FHIT: variants seen among roughly 807,000 people sequenced by gnomAD.
FHIT encodes the protein fragile histidine triad diadenosine triphosphatase, also known as bis(5'-adenosyl)-triphosphatase.
FHIT carries 19 observed loss-of-function variants against 17.9 expected under a neutral mutation model. The ratio of observed to expected loss-of-function variants is 1.06; its 90% CI spans 0.74 to 1.56. FHIT has a LOEUF of 1.56. FHIT is among the 40% of genes most tolerant of loss of function. The pLI is 0.00. For missense variants in FHIT, 248 were observed against 189.2 expected (o/e 1.31, Z -1.82); for synonymous variants, 81 against 69.7 (o/e 1.16, Z -0.81).
intron 5 of FHIT, among the ~76,000 whole-genome samples, chr3:60,468,592 C>A (rs552947948): frequency 4.4e-4 from 67 of 152,032 alleles, no homozygotes; most frequent in African/African-American, 1.5e-3. Context: ...TTTTCATACC[C>A]CTGCTTTTTA....
chr3:60,370,236 A>C (rs1967641), intron 5 of FHIT, among the ~76,000 whole-genome samples: 152,336 of 152,336 alleles, frequency 1, 76,168 homozygotes, highest in Non-Finnish European at 1. Flanking sequence ...TTTATGTTTT[A>C]TGAAGCCCAA....
At chr3:60,638,513 G>C (rs1021487706) in intron 4 of FHIT, among the ~76,000 whole-genome samples, 3 of 151,932 alleles carry the variant, frequency 2.0e-5, no homozygotes, top group Non-Finnish European at 4.4e-5. Flanking sequence ...GAATCACTTG[G>C]GGAACTCTTA....
At position 59,759,635 on chromosome 3, in the gene FHIT, C is replaced by T. The variant is rs140575398; in HGVS notation, c.349-7314G>A. ...TCACTTCTCAAAGTTCCCGAGAAGC[C>T]TTCCTGGACCATTCTGATTGAGTCA... On this transcript the variant is annotated intron_variant, in intron 8 of 9. Coordinates refer to ENST00000492590, the MANE Select transcript of FHIT (RefSeq NM_002012.4). Among the ~76,000 whole-genome samples, 540 of 152,290 alleles carry T rather than the reference C, an allele frequency of 3.5e-3. 1 individual carries two copies. The highest frequency in any genetic ancestry group is 0.013 in the African/African-American group (520 of 41,568).
intron 4 of FHIT, among the ~76,000 whole-genome samples, chr3:60,610,438 TAG>T (rs1258582723): frequency 6.6e-6 from 1 of 152,200 alleles, no homozygotes; most frequent in Non-Finnish European, 1.5e-5. Flanking sequence ...AGTTTCATGC[TAG>T]AGTTTCTACG....
rs10662932 is a variant in FHIT, at chr3:60,849,441, A to AATATATATATATATATATATAT, written c.-110-27452_-110-27431dup. On this transcript the variant is annotated intron_variant, in intron 3 of 9. Coordinates refer to ENST00000492590, the MANE Select transcript of FHIT (RefSeq NM_002012.4). ...AGGACTTTTGTTAATACAAAAATGA[A>AATATATATATATATATATATAT]ATATATATATATATATATATATAAA... is the stretch of plus-strand genomic sequence containing the variant. 6.5e-3 allele frequency among the ~76,000 whole-genome samples: 888 copies of AATATATATATATATATATATAT among 137,352 alleles called. 6 individuals are homozygous for AATATATATATATATATATATAT. The highest frequency in any genetic ancestry group is 0.01 in the Non-Finnish European group (670 of 64,050). The allele number at this position is 137,352 out of a possible 152,430, so 90.1% of individuals were successfully genotyped here.
intron 2 of FHIT, among the ~76,000 whole-genome samples, chr3:61,184,092 G>A (rs1227364607): frequency 6.6e-6 from 1 of 152,080 alleles, no homozygotes; most frequent in Non-Finnish European, 1.5e-5. Flanking sequence ...GGGACCTGAT[G>A]CCTATAATAT....
At chr3:59,954,742 T>G (rs1204182253) in intron 7 of FHIT, among the ~76,000 whole-genome samples, 1 of 152,154 alleles carries the variant, frequency 6.6e-6, no homozygotes, top group African/African-American at 2.4e-5. Context: ...AGGGCTTCCT[T>G]TTAGAAATTT....
At chr3:60,839,931 C>T (rs2106856986) in intron 3 of FHIT, among the ~76,000 whole-genome samples, 1 of 152,144 alleles carries the variant, frequency 6.6e-6, no homozygotes, top group East Asian at 1.9e-4. Flanking sequence ...TCTTTATTTC[C>T]TTTACAGTCC....
At chr3:60,711,075 T>A (rs554905074) in intron 4 of FHIT, among the ~76,000 whole-genome samples, 87 of 152,132 alleles carry the variant, frequency 5.7e-4, no homozygotes, top group African/African-American at 2.0e-3. Context: ...TCTGAGACAA[T>A]ACTTCCAGAG....
chr3:60,430,591 TATATC>T (rs1702849719), intron 5 of FHIT, among the ~76,000 whole-genome samples: 1 of 152,082 alleles, frequency 6.6e-6, no homozygotes, highest in Admixed American at 6.6e-5. Flanking sequence ...TTTATTCTCT[TATATC>T]ATTCTCTCTC....
chr3:60,122,627 A>T (rs147397302), intron 5 of FHIT, among the ~76,000 whole-genome samples: 3 of 152,190 alleles, frequency 2.0e-5, no homozygotes, highest in Non-Finnish European at 2.9e-5. Context: ...CACGAAGGAC[A>T]GATAGACACT....
intron 8 of FHIT, among the ~76,000 whole-genome samples, chr3:59,752,563 T>C (rs1307898539): frequency 6.6e-6 from 1 of 152,170 alleles, no homozygotes; most frequent in Non-Finnish European, 1.5e-5. Flanking sequence ...GATGATATGA[T>C]ATAGGTCTGT....
At chr3:59,861,974 T>C (rs746089711) in intron 8 of FHIT, among the ~76,000 whole-genome samples, 2 of 151,306 alleles carry the variant, frequency 1.3e-5, no homozygotes, top group Non-Finnish European at 2.9e-5. Context: ...GGATGATGAA[T>C]ATAAACAAAA....
chr3:60,002,961 C>T (rs915498787), intron 7 of FHIT, among the ~76,000 whole-genome samples: 2 of 152,080 alleles, frequency 1.3e-5, no homozygotes, highest in African/African-American at 4.8e-5. Context: ...ACTTCATGGG[C>T]CCCACCCTCA....
intron 4 of FHIT, among the ~76,000 whole-genome samples, chr3:60,594,435 G>T (rs185369735): frequency 2.0e-5 from 3 of 152,084 alleles, no homozygotes; most frequent in Non-Finnish European, 4.4e-5. Context: ...GGCCCCAAAT[G>T]GTTGGTACTT....
At chr3:60,997,421 A>G (rs2030750831) in intron 3 of FHIT, among the ~76,000 whole-genome samples, 1 of 149,136 alleles carries the variant, frequency 6.7e-6, no homozygotes, top group Admixed American at 6.7e-5. Flanking sequence ...GACTTCTCTT[A>G]AAAAAAAAAT....
At chr3:61,029,770 G>C (rs777706015) in intron 3 of FHIT, among the ~76,000 whole-genome samples, 1 of 152,082 alleles carries the variant, frequency 6.6e-6, no homozygotes, top group Non-Finnish European at 1.5e-5. Flanking sequence ...AGTCTAACAG[G>C]TTATTCTTAG....
chr3:61,220,566 G>A (rs745752059), intron 1 of FHIT, among the ~76,000 whole-genome samples: 1 of 152,090 alleles, frequency 6.6e-6, no homozygotes, highest in Non-Finnish European at 1.5e-5. Context: ...TATTTACCTG[G>A]GGAGCTAATC....
Position 61,193,995 on chromosome 3 carries a change from T to C in FHIT, c.-164+6622A>G, listed in dbSNP as rs556482738. Reference sequence around the variant, plus strand: ...AAGAATGCACAGCTGTGTAGAAATGTGGTAGAACAAAAGGGGTGTGTTCTA... The same window carrying C: ...AAGAATGCACAGCTGTGTAGAAATGCGGTAGAACAAAAGGGGTGTGTTCTA... On this transcript the variant is annotated intron_variant, in intron 2 of 9. Coordinates refer to ENST00000492590, the MANE Select transcript of FHIT (RefSeq NM_002012.4). Among the ~76,000 whole-genome samples the C allele has an allele frequency of 2.2e-5, 3 of 135,782 alleles. No homozygotes were observed. In the South Asian group the frequency reaches 6.6e-4, roughly 30 times the overall value. 89.1% of individuals were successfully genotyped at this position (135,782 alleles called of 152,430 possible). A position where few individuals can be genotyped will look rare whatever the true frequency, so the allele number is the denominator to read the frequency against.
Sources: gnomAD v4.1 joint callset for allele counts (sites outside exome capture counted in the v4.1 genomes callset) on GRCh38, gnomAD v4.1.1 for gene constraint, MANE v1.5 for transcripts, NCBI Gene and HGNC (gene_info 2026-07-23, HGNC 2026-07-21) for gene names.